The following TSPAN18 variants were observed in gnomAD, a reference collection of about 807,000 sequenced individuals.
The protein encoded by TSPAN18 is tetraspanin 18.
In TSPAN18, 14 loss-of-function variants were observed where a neutral mutation model predicts 27.3. The ratio of observed to expected loss-of-function variants is 0.51; its 90% confidence interval spans 0.34 to 0.80. The LOEUF (loss-of-function observed/expected upper bound fraction) is 0.80, where lower values mean the gene tolerates loss of function less well. Among genes scored for constraint, TSPAN18 ranks in the 30% least tolerant of loss-of-function variants. The pLI is 0.01. For missense variants in TSPAN18, 268 were observed against 323.9 expected (o/e 0.83, Z 1.32); for synonymous variants, 143 against 136.5 (o/e 1.05, Z -0.33).
At chr11:44,888,839 C>T (rs183235597) in intron 3 of TSPAN18, among the ~76,000 whole-genome samples, 6 of 152,264 alleles carry the variant, frequency 3.9e-5, no homozygotes, top group East Asian at 1.9e-4. Context: ...CAGAAAACCA[C>T]GAGGATGGTG....
intron 2 of TSPAN18, among the ~76,000 whole-genome samples, chr11:44,816,715 A>G (rs1856824808): frequency 6.6e-6 from 1 of 152,222 alleles, no homozygotes; most frequent in Non-Finnish European, 1.5e-5. Flanking sequence ...GCCTGACTCC[A>G]GTGAGTTCTG....
chr11:44,900,229 C>T (rs1859208875), intron 3 of TSPAN18, among the ~76,000 whole-genome samples: 3 of 152,210 alleles, frequency 2.0e-5, no homozygotes, highest in African/African-American at 4.8e-5. Flanking sequence ...AGCAGGCAAG[C>T]CCTGGTCTCT....
At chr11:44,879,433 C>G (rs1488621295) in intron 3 of TSPAN18, among the ~76,000 whole-genome samples, 1 of 152,156 alleles carries the variant, frequency 6.6e-6, no homozygotes, top group Non-Finnish European at 1.5e-5. Context: ...AAAGAGGGGA[C>G]AGACAGTGAT....
intron 3 of TSPAN18, among the ~76,000 whole-genome samples, chr11:44,898,345 C>A (rs528293176): frequency 6.6e-6 from 1 of 152,182 alleles, no homozygotes; most frequent in Non-Finnish European, 1.5e-5. Context: ...TGGGCTAGAT[C>A]GTGCTTCCCA....
intron 1 of TSPAN18, among the ~76,000 whole-genome samples, chr11:44,738,365 C>T (rs1854848501): frequency 6.6e-6 from 1 of 152,026 alleles, no homozygotes; most frequent in Non-Finnish European, 1.5e-5. Flanking sequence ...CTGGCTGGAG[C>T]CCCCCCGGCT....
At chr11:44,888,321 G>A (rs1208930502) in intron 3 of TSPAN18, among the ~76,000 whole-genome samples, 1 of 151,948 alleles carries the variant, frequency 6.6e-6, no homozygotes, top group Non-Finnish European at 1.5e-5. Flanking sequence ...TTACCCCTGG[G>A]TAACTCAGGA....
intron 2 of TSPAN18, among the ~76,000 whole-genome samples, chr11:44,764,799 C>G (rs1855529589): frequency 6.6e-6 from 1 of 152,128 alleles, no homozygotes; most frequent in Admixed American, 6.5e-5. Context: ...CCTGGGGGCT[C>G]CAGGCAGGGT....
chr11:44,916,261 A>G (rs1859905523), intron 5 of TSPAN18, among the ~76,000 whole-genome samples: 1 of 152,202 alleles, frequency 6.6e-6, no homozygotes, highest in South Asian at 2.1e-4. Context: ...ATGCTGAAGA[A>G]TCAGGGAGGG....
At chr11:44,760,204 GAGAC>G in intron 1 of TSPAN18, among the ~76,000 whole-genome samples, 1 of 152,322 alleles carries the variant, frequency 6.6e-6, no homozygotes, top group South Asian at 2.1e-4. Flanking sequence ...ACTAAAGCAG[GAGAC>G]AGACACAGTG....
At chr11:44,782,058 T>G (rs960453015) in intron 2 of TSPAN18, among the ~76,000 whole-genome samples, 1 of 152,248 alleles carries the variant, frequency 6.6e-6, no homozygotes, top group Non-Finnish European at 1.5e-5. Context: ...GTCCATCTTA[T>G]GTATATATAG....
chr11:44,911,186 T>G (rs1479031550), intron 5 of TSPAN18, among the ~76,000 whole-genome samples: 1 of 152,140 alleles, frequency 6.6e-6, no homozygotes, highest in African/African-American at 2.4e-5. Context: ...TGGGTAAGCT[T>G]GCGGATGCTC....
At chr11:44,921,692 G>A (rs1269725890) in intron 8 of TSPAN18, among the ~76,000 whole-genome samples, 1 of 152,210 alleles carries the variant, frequency 6.6e-6, no homozygotes, top group Non-Finnish European at 1.5e-5. Flanking sequence ...ATAGCGTGGG[G>A]TTTATGTGAA....
At chr11:44,762,615 ATGTGTG>A (rs533032652) in intron 1 of TSPAN18, among the ~76,000 whole-genome samples, 3 of 149,868 alleles carry the variant, frequency 2.0e-5, no homozygotes, top group Admixed American at 6.7e-5. Flanking sequence ...ATATACACAT[ATGTGTG>A]TGTGTGTGTG....
intron 3 of TSPAN18, among the ~76,000 whole-genome samples, chr11:44,890,755 A>C (rs1299500099): frequency 6.6e-6 from 1 of 151,896 alleles, no homozygotes; most frequent in Non-Finnish European, 1.5e-5. Flanking sequence ...AAAAAAAAAA[A>C]AAAAAAAATT....
intron 5 of TSPAN18, among the ~76,000 whole-genome samples, chr11:44,912,883 CCTGTGTGTGCACATGTGTGTTGTGT>C (rs1859775412): frequency 3.4e-5 from 1 of 29,498 alleles, no homozygotes; most frequent in Non-Finnish European, 5.8e-5. Flanking sequence ...TGCACATGTG[CCTGTGTGTGCACATGTGTGTTGTGT>C]GTGCATGTGT....
At chr11:44,918,376 G>A (rs1366637072) in intron 6 of TSPAN18, among the ~76,000 whole-genome samples, 1 of 152,180 alleles carries the variant, frequency 6.6e-6, no homozygotes, top group Non-Finnish European at 1.5e-5. Flanking sequence ...AGGCTGGAAT[G>A]TAGGAGCACA....
chr11:44,921,596 C>T (rs1466303103), intron 8 of TSPAN18, among the ~76,000 whole-genome samples: 1 of 152,102 alleles, frequency 6.6e-6, no homozygotes, highest in Non-Finnish European at 1.5e-5. Context: ...TAGGACTTGG[C>T]AGAGGGAGGT....
chr11:44,915,417 A>AC (rs1274745379), intron 5 of TSPAN18, among the ~76,000 whole-genome samples: 1 of 152,046 alleles, frequency 6.6e-6, no homozygotes, highest in Non-Finnish European at 1.5e-5. Flanking sequence ...GGCAGAATGG[A>AC]CCATGGGCAT....
intron 8 of TSPAN18, among the ~76,000 whole-genome samples, chr11:44,921,301 A>G (rs1439335545): frequency 6.6e-6 from 1 of 152,106 alleles, no homozygotes; most frequent in Non-Finnish European, 1.5e-5. Context: ...TGGGCTGTTA[A>G]CTGCTGTGTT....
Sources: allele counts gnomAD v4.1 joint callset (sites outside exome capture counted in the v4.1 genomes callset), GRCh38; gene constraint gnomAD v4.1.1; transcripts MANE v1.5; gene names NCBI Gene and HGNC (gene_info 2026-07-23, HGNC 2026-07-21).